The following BABAM2 variants were observed in gnomAD, a reference collection of about 807,000 sequenced individuals.
The protein encoded by BABAM2 is BRISC and BRCA1-A complex member 2.
In BABAM2, 31 loss-of-function variants were observed where a neutral mutation model predicts 54.7. That is an observed-to-expected ratio of 0.57 (90% confidence interval 0.43 to 0.77). The LOEUF is 0.77. Among genes scored for constraint, BABAM2 ranks in the 30% least tolerant of loss-of-function variants. BABAM2 has a pLI of 0.00. For missense variants in BABAM2, 364 were observed against 455.8 expected (o/e 0.80, Z 1.83); for synonymous variants, 167 against 162.9 (o/e 1.03, Z -0.19).
At chr2:27,934,619 G>A (rs1668358218) in intron 3 of BABAM2, among the ~76,000 whole-genome samples, 1 of 152,230 alleles carries the variant, frequency 6.6e-6, no homozygotes, top group Non-Finnish European at 1.5e-5. Flanking sequence ...TGAAAGCTAG[G>A]CCTCTTGGCC....
At chr2:28,323,505 T>C (rs1690198551) in intron 11 of BABAM2, among the ~76,000 whole-genome samples, 1 of 152,184 alleles carries the variant, frequency 6.6e-6, no homozygotes, top group Non-Finnish European at 1.5e-5. Context: ...AATAGTATAT[T>C]AGACTGAGCA....
chr2:28,196,293 C>T (rs1346661644), intron 7 of BABAM2, among the ~76,000 whole-genome samples: 1 of 137,886 alleles, frequency 7.3e-6, no homozygotes, highest in Non-Finnish European at 1.7e-5. Flanking sequence ...TGCCACTGCA[C>T]TCCAGCCTGG....
At chr2:28,033,580 A>G (rs1170999141) in intron 5 of BABAM2, among the ~76,000 whole-genome samples, 1 of 152,074 alleles carries the variant, frequency 6.6e-6, no homozygotes, top group African/African-American at 2.4e-5. Context: ...ATGATAACCC[A>G]TGAATCCATT....
At chr2:28,100,877 A>T (rs1269846016) in intron 6 of BABAM2, among the ~76,000 whole-genome samples, 1 of 152,154 alleles carries the variant, frequency 6.6e-6, no homozygotes, top group Non-Finnish European at 1.5e-5. Flanking sequence ...GCTGTTGTGG[A>T]GGTACTCATT....
intron 11 of BABAM2, among the ~76,000 whole-genome samples, chr2:28,321,804 T>C (rs935426389): frequency 6.6e-6 from 1 of 152,070 alleles, no homozygotes; most frequent in Non-Finnish European, 1.5e-5. Context: ...CATTTGCCCC[T>C]CTGCCCCACC....
intron 4 of BABAM2, among the ~76,000 whole-genome samples, chr2:28,014,707 G>A (rs1237640414): frequency 2.8e-5 from 4 of 141,252 alleles, no homozygotes; most frequent in Admixed American, 1.5e-4. Flanking sequence ...CATTTTACAT[G>A]CTAAATATCT....
chr2:28,091,758 G>C (rs375057102), intron 6 of BABAM2, among the ~76,000 whole-genome samples: 1 of 152,116 alleles, frequency 6.6e-6, no homozygotes, highest in South Asian at 2.1e-4. Flanking sequence ...GTGAAATGTG[G>C]CTTAGTTTTT....
intron 3 of BABAM2, among the ~76,000 whole-genome samples, chr2:27,947,576 A>C (rs1381519589): frequency 6.6e-6 from 1 of 152,042 alleles, no homozygotes; most frequent in African/African-American, 2.4e-5. Context: ...GAGTTTTGAG[A>C]ATTCTTCATA....
chr2:28,208,157 T>C (rs1266167645), intron 7 of BABAM2, among the ~76,000 whole-genome samples: 2 of 152,106 alleles, frequency 1.3e-5, no homozygotes, highest in Non-Finnish European at 2.9e-5. Context: ...GGCAGGTCGT[T>C]AGCTCCTGGT....
intron 7 of BABAM2, among the ~76,000 whole-genome samples, chr2:28,166,666 C>G (rs546269601): frequency 6.6e-6 from 1 of 152,298 alleles, no homozygotes; most frequent in East Asian, 1.9e-4. Flanking sequence ...TTTGAGTCTT[C>G]TACCTATGGC....
chr2:28,226,790 G>A (rs956875939), intron 7 of BABAM2, among the ~76,000 whole-genome samples: 3 of 152,052 alleles, frequency 2.0e-5, no homozygotes, highest in African/African-American at 7.2e-5. Context: ...AATTGCCCCA[G>A]CTTATCCAGG....
chr2:28,308,922 A>G (rs1335756601), intron 11 of BABAM2: 4 of 152,748 alleles, frequency 2.6e-5, no homozygotes, highest in Non-Finnish European at 4.4e-5. Flanking sequence ...GATGGGTATC[A>G]CATGGGGTGT....
In BABAM2 at chr2:28,025,329, G is replaced by C. The variant is rs1331066239; in HGVS notation, c.404G>C (p.Ser135Thr). The change falls in exon 5 of 12, where the codon AGC (serine) becomes ACC (threonine). Residue 135 changes from serine (S) to threonine (T), a missense_variant. Ser to Thr is a moderately conservative substitution (Grantham distance 58). Transcript: ENST00000379624. ...TTCCAATGTAGCCGCCTCCGGGAGA[G>C]CTCCCGCCTCATGTTTGAATACCAG... ...HQFQCSRLRESSRLMFEYQTL... is the reference protein window; with the variant it reads ...HQFQCSRLRETSRLMFEYQTL... 1 of 1,613,038 alleles carries C rather than the reference G, an allele frequency of 6.2e-7. No homozygotes were observed.
intron 4 of BABAM2, among the ~76,000 whole-genome samples, chr2:27,996,899 C>G (rs1436970273): frequency 2.6e-5 from 4 of 152,168 alleles, no homozygotes; most frequent in African/African-American, 9.7e-5. Flanking sequence ...ATTTAGCTTT[C>G]TAGTTGTTCT....
chr2:28,026,875 T>TATATATATAGATATATATATTA (rs1675798310), intron 5 of BABAM2, among the ~76,000 whole-genome samples: 1 of 47,184 alleles, frequency 2.1e-5, no homozygotes, highest in Non-Finnish European at 4.0e-5. Flanking sequence ...TATATATATT[T>TATATATATAGATATATATATTA]ATATATATAT....
intron 7 of BABAM2, among the ~76,000 whole-genome samples, chr2:28,207,678 A>G (rs947361561): frequency 3.4e-5 from 4 of 117,972 alleles, no homozygotes; most frequent in East Asian, 2.0e-4. Context: ...ACTTGAGGGG[A>G]AAAAAAATAA....
At chr2:28,292,398 G>A (rs1277019132) in intron 10 of BABAM2, among the ~76,000 whole-genome samples, 1 of 152,186 alleles carries the variant, frequency 6.6e-6, no homozygotes, top group Non-Finnish European at 1.5e-5. Context: ...TTCTGAAATA[G>A]ATTATACAAT....
At chr2:27,961,317 G>A (rs920076263) in intron 3 of BABAM2, among the ~76,000 whole-genome samples, 4 of 152,134 alleles carry the variant, frequency 2.6e-5, no homozygotes, top group African/African-American at 7.2e-5. Flanking sequence ...GCGGTGGTGC[G>A]AAAGTGATAC....
At chr2:28,187,142 T>C (rs532156727) in intron 7 of BABAM2, among the ~76,000 whole-genome samples, 1 of 152,276 alleles carries the variant, frequency 6.6e-6, no homozygotes, top group African/African-American at 2.4e-5. Flanking sequence ...CATAGGTTTT[T>C]GATTGTGCAT....
Sources: gnomAD v4.1 joint callset for allele counts (sites outside exome capture counted in the v4.1 genomes callset) on GRCh38, gnomAD v4.1.1 for gene constraint, MANE v1.5 for transcripts, NCBI Gene and HGNC (gene_info 2026-07-23, HGNC 2026-07-21) for gene names.